The following GALNT18 variants were observed in gnomAD, a reference collection of about 807,000 sequenced individuals.
GALNT18 encodes the protein polypeptide N-acetylgalactosaminyltransferase 18.
In GALNT18, 44 loss-of-function variants were observed where a neutral mutation model predicts 69.5. The ratio of observed to expected loss-of-function variants is 0.63; its 90% CI spans 0.50 to 0.81. The LOEUF (loss-of-function observed/expected upper bound fraction) is 0.81. GALNT18 is among the 40% of genes least tolerant of loss of function. GALNT18 has a pLI of 0.00. For synonymous variants in GALNT18, 364 were observed against 318.2 expected (o/e 1.14, Z -1.53); for missense variants, 715 against 810.0 (o/e 0.88, Z 1.42).
chr11:11,594,816 C>CATATATATATATAT (rs1206038267), intron 1 of GALNT18, among the ~76,000 whole-genome samples: 12 of 121,516 alleles, frequency 9.9e-5, no homozygotes, highest in African/African-American at 3.0e-4. Context: ...TTATCTTGGG[C>CATATATATATATAT]ATATATATAT....
intron 1 of GALNT18, among the ~76,000 whole-genome samples, chr11:11,489,289 T>C (rs1475681398): frequency 6.6e-6 from 1 of 152,210 alleles, no homozygotes; most frequent in African/African-American, 2.4e-5. Context: ...AACTGATAGC[T>C]GAGAGATGTG....
intron 1 of GALNT18, among the ~76,000 whole-genome samples, chr11:11,490,234 AACACACACACAC>A (rs61477736): frequency 9.6e-5 from 12 of 125,086 alleles, no homozygotes; most frequent in African/African-American, 1.5e-4. Flanking sequence ...CTCTCTCTCT[AACACACACACAC>A]ACACACACAC....
In GALNT18 at chr11:11,579,485, G is replaced by A. The variant is rs549259386; in HGVS notation, c.235+41874C>T. Among the ~76,000 whole-genome samples, 12 of 152,276 alleles carry A rather than the reference G, an allele frequency of 7.9e-5. No homozygotes were observed. In the South Asian group the frequency reaches 8.3e-4, roughly 11 times the overall value. ...TAATACAGATGGAATGGAGCTGCTC[G>A]GATTAGGTGGGGGTTGAGGTGGGAG... is the stretch of plus-strand genomic sequence containing the variant. On this transcript the variant is annotated intron_variant, in intron 1 of 10. Coordinates refer to ENST00000227756, the MANE Select transcript of GALNT18 (RefSeq NM_198516.3).
intron 10 of GALNT18, among the ~76,000 whole-genome samples, chr11:11,288,496 T>A (rs1481795068): frequency 6.6e-6 from 1 of 152,214 alleles, no homozygotes; most frequent in African/African-American, 2.4e-5. Flanking sequence ...TCTGTTCTCA[T>A]CATTCGGTTC....
At position 11,613,083 on chromosome 11, in the gene GALNT18, C is replaced by G. The variant is rs1859952898; in HGVS notation, c.235+8276G>C. Among the ~76,000 whole-genome samples, 1 of 152,166 alleles carries G rather than the reference C, an allele frequency of 6.6e-6. No individual in the cohort carries two copies. The highest frequency in any genetic ancestry group is 2.4e-5 in the African/African-American group (1 of 41,436). ...CCAAAAACTGAAATTGAATGTCAGGCAGTGAAAGAGAACTACATCTCAGTA... is the reference window on the plus strand; with the variant it reads ...CCAAAAACTGAAATTGAATGTCAGGGAGTGAAAGAGAACTACATCTCAGTA... On this transcript the variant is annotated intron_variant, in intron 1 of 10. Transcript: ENST00000227756. The surrounding 1 kb of genome is among the most constrained non-coding windows in gnomAD (Gnocchi z 4.2).
Position 11,600,846 on chromosome 11 carries a change from T to C in GALNT18, c.235+20513A>G, listed in dbSNP as rs1859615665. Among the ~76,000 whole-genome samples, 2 of 152,158 alleles carry C rather than the reference T, an allele frequency of 1.3e-5. No individual in the cohort carries two copies. ...TTTATTCATTCTCTTTTTCTCTTTT[T>C]TTCAGATGTGGTAATCTCTATTGAT... On this transcript the variant is annotated intron_variant, in intron 1 of 10. Transcript: ENST00000227756. This position sits in a 1 kb window ranked among gnomAD's most constrained non-coding sequence, Gnocchi z 4.8.
intron 1 of GALNT18, among the ~76,000 whole-genome samples, chr11:11,554,297 C>T (rs1205269116): frequency 6.6e-6 from 1 of 152,122 alleles, no homozygotes; most frequent in Non-Finnish European, 1.5e-5. Context: ...TTTCCAGGAG[C>T]CACTGGCTCT....
intron 3 of GALNT18, among the ~76,000 whole-genome samples, chr11:11,414,856 G>A (rs1322633417): frequency 6.6e-6 from 1 of 152,162 alleles, no homozygotes; most frequent in Admixed American, 6.5e-5. Context: ...AGTTTCTATA[G>A]GTCAGAAGTC....
intron 1 of GALNT18, among the ~76,000 whole-genome samples, chr11:11,503,501 C>A (rs936224782): frequency 6.6e-6 from 1 of 152,184 alleles, no homozygotes; most frequent in Non-Finnish European, 1.5e-5. Context: ...CTACAGCCTG[C>A]AGGTGTTCAT....
chr11:11,512,723 C>T (rs1010177330), intron 1 of GALNT18, among the ~76,000 whole-genome samples: 2 of 152,186 alleles, frequency 1.3e-5, no homozygotes, highest in Admixed American at 6.5e-5. Flanking sequence ...GAGAGTCTGG[C>T]GGCACCTGAG....
rs145963610 is a variant in GALNT18 at position 11,332,843 on chromosome 11, C to A, written c.1279-12G>T. On this transcript the variant is annotated splice_polypyrimidine_tract_variant and intron_variant, in intron 7 of 10. Coordinates refer to ENST00000227756, the MANE Select transcript of GALNT18 (RefSeq NM_198516.3). This position sits in a 1 kb window ranked among gnomAD's most constrained non-coding sequence, Gnocchi z 4.3. ...TCAATTCCTGAGTCCTGCACAGGGA[C>A]GCAGAAGCAGAGATGAAGCCACTCC... is the stretch of plus-strand genomic sequence containing the variant. 1.9e-6 allele frequency: 3 copies of A among 1,611,884 alleles called. No homozygotes were observed. The highest frequency in any genetic ancestry group is 2.7e-5 in the African/African-American group (2 of 74,972).
intron 1 of GALNT18, among the ~76,000 whole-genome samples, chr11:11,510,790 T>C (rs1484081589): frequency 1.3e-5 from 2 of 152,182 alleles, no homozygotes; most frequent in African/African-American, 4.8e-5. Context: ...CCAGGGCAAA[T>C]CTCAGGGCTG....
At chr11:11,281,054 G>A (rs868618022) in intron 10 of GALNT18, among the ~76,000 whole-genome samples, 52 of 152,212 alleles carry the variant, frequency 3.4e-4, no homozygotes, top group African/African-American at 1.2e-3. Flanking sequence ...ACAGATCTGT[G>A]GCCAGTTCCC....
At chr11:11,428,566 T>A (rs1855189334) in intron 3 of GALNT18, among the ~76,000 whole-genome samples, 1 of 152,190 alleles carries the variant, frequency 6.6e-6, no homozygotes, top group Non-Finnish European at 1.5e-5. Context: ...GTCCTTTATT[T>A]TCGGAGGCAA....
rs149766730 is a variant in GALNT18 at position 11,456,312 on chromosome 11, T to C, written c.236-7376A>G. Among the ~76,000 whole-genome samples, 4 of 152,340 alleles carry C rather than the reference T, an allele frequency of 2.6e-5. No homozygotes were observed. In the East Asian group the frequency reaches 7.7e-4, roughly 29 times the overall value. ...GGGCTTATTGCTGAGCTCACAGTCCTGACTGCAGCCCTACCTGCAAATTAT... is the reference window on the plus strand; with the variant it reads ...GGGCTTATTGCTGAGCTCACAGTCCCGACTGCAGCCCTACCTGCAAATTAT... On this transcript the variant is annotated intron_variant, in intron 1 of 10. Transcript: ENST00000227756.
At chr11:11,350,572 G>A (rs1357730264) in intron 6 of GALNT18, among the ~76,000 whole-genome samples, 40 of 152,158 alleles carry the variant, frequency 2.6e-4, no homozygotes. Context: ...CTCCAAAGGT[G>A]TGGCAGAGAC....
At chr11:11,386,877 A>C (rs1026816408) in intron 3 of GALNT18, among the ~76,000 whole-genome samples, 2 of 152,224 alleles carry the variant, frequency 1.3e-5, no homozygotes, top group African/African-American at 4.8e-5. Flanking sequence ...GCTGGCCTGC[A>C]TAAGAATCAG....
Position 11,564,686 on chromosome 11 carries a change from C to T in GALNT18, c.235+56673G>A, listed in dbSNP as rs1858600602. ...CTTATCTATGAAAACCCTGCTAACC[C>T]AAGAAGTATCCAGCCAGTCAACCCA... On this transcript the variant is annotated intron_variant, in intron 1 of 10. Coordinates refer to ENST00000227756, the MANE Select transcript of GALNT18 (RefSeq NM_198516.3). The surrounding 1 kb of genome is among the most constrained non-coding windows in gnomAD (Gnocchi z 4.3). 6.6e-6 allele frequency among the ~76,000 whole-genome samples: 1 copy of T among 152,182 alleles called. No homozygotes were observed. Among genetic ancestry groups the T allele is most frequent in the African/African-American group, 2.4e-5 (1 of 41,438 alleles).
intron 1 of GALNT18, among the ~76,000 whole-genome samples, chr11:11,588,920 T>C (rs1281979620): frequency 6.6e-6 from 1 of 152,208 alleles, no homozygotes; most frequent in East Asian, 1.9e-4. Flanking sequence ...GGGCCTGTTT[T>C]TGCCCAGGCC....
Sources: gnomAD v4.1 joint callset for allele counts (sites outside exome capture counted in the v4.1 genomes callset) on GRCh38, gnomAD v4.1.1 for gene constraint, Gnocchi (gnomAD v3.1) non-coding constraint, MANE v1.5 for transcripts, NCBI Gene and HGNC (gene_info 2026-07-23, HGNC 2026-07-21) for gene names.